VWDE: variants seen among roughly 807,000 people sequenced by gnomAD.
VWDE encodes the protein von Willebrand factor D and EGF domain-containing protein.
In VWDE, 207 loss-of-function variants were observed where a neutral mutation model predicts 178.4. The ratio of observed to expected loss-of-function variants is 1.16; its 90% CI spans 1.04 to 1.30. The LOEUF is 1.30. VWDE is among the 50% of genes most tolerant of loss of function. VWDE has a pLI of 0.00. For missense variants in VWDE, 2,287 were observed against 1,901.3 expected (o/e 1.20, Z -3.77); for synonymous variants, 738 against 651.4 (o/e 1.13, Z -2.02).
chr7:12,350,660 T>C (rs931352239), intron 19 of VWDE, among the ~76,000 whole-genome samples: 13 of 151,140 alleles, frequency 8.6e-5, no homozygotes, highest in African/African-American at 3.1e-4. Context: ...TCTCTTCAGT[T>C]AGATTGCTCA....
chr7:12,374,796 C>G, intron 8 of VWDE, 34 bp from the exon 9 acceptor site: 2 of 1,350,806 alleles, frequency 1.5e-6, no homozygotes, highest in Admixed American at 2.4e-5. Flanking sequence ...TAAATATTAC[C>G]ATTAATTATA....
At chr7:12,393,905 C>T (rs977029560) in intron 1 of VWDE, 127 bp from the exon 2 acceptor site, 1 of 685,548 alleles carries the variant, frequency 1.5e-6, no homozygotes, top group Non-Finnish European at 2.2e-6. Flanking sequence ...CATAAAGACC[C>T]TCTGAAATGT....
rs948746705 is a variant in VWDE at position 12,403,768 on chromosome 7, G to A, written c.-52C>T. 1.3e-6 allele frequency: 2 copies of A among 1,541,054 alleles called. No individual in the cohort carries two copies. Among genetic ancestry groups the A allele is most frequent in the African/African-American group, 1.4e-5 (1 of 72,962 alleles). ...GCGTCGCAGAGCCCGGGCCGCGGGTGCCAGGAGGATGGGGCCACAGCAGCC... is the reference window on the plus strand; with the variant it reads ...GCGTCGCAGAGCCCGGGCCGCGGGTACCAGGAGGATGGGGCCACAGCAGCC... On this transcript the variant is annotated 5_prime_UTR_variant, in exon 1 of 29. Transcript: ENST00000275358.
At position 12,342,063 on chromosome 7, in the gene VWDE, A is replaced by G. The variant is rs938360366; in HGVS notation, c.4266T>C (p.Ser1422=). The G allele has an allele frequency of 1.9e-6, 3 of 1,550,616 alleles. No individual in the cohort carries two copies. The highest frequency in any genetic ancestry group is 2.7e-5 in the African/African-American group (2 of 72,990). ...TGAAAATATTTCCAATTTTACCTGTACTACAGGTGGGTCCATACCAGCCAG... is the reference window on the plus strand; with the variant it reads ...TGAAAATATTTCCAATTTTACCTGTGCTACAGGTGGGTCCATACCAGCCAG... ...CKPGWYGPTC[S]TALCDPVCLN... The change falls in exon 23 of 29, where the codon AGT becomes AGC. Residue 1422 remains serine, a synonymous_variant. Transcript: ENST00000275358.
At chr7:12,399,487 A>C (rs1194321853) in intron 1 of VWDE, among the ~76,000 whole-genome samples, 1 of 152,204 alleles carries the variant, frequency 6.6e-6, no homozygotes, top group Non-Finnish European at 1.5e-5. Context: ...AATATTTGGA[A>C]TCTTTAATAT....
intron 20 of VWDE, 37 bp from the exon 21 acceptor site, chr7:12,344,327 T>C: frequency 1.3e-6 from 2 of 1,550,174 alleles, no homozygotes; most frequent in Non-Finnish European, 1.7e-6. Flanking sequence ...GACATATCAA[T>C]TACCAAATAC....
chr7:12,346,502 A>C (rs554296175), intron 19 of VWDE, among the ~76,000 whole-genome samples: 1 of 152,190 alleles, frequency 6.6e-6, no homozygotes, highest in Admixed American at 6.5e-5. Flanking sequence ...TTTATATGAG[A>C]GGCAAAGAAC....
At chr7:12,377,457 C>G (rs1043354497) in intron 7 of VWDE, 43 of 172,556 alleles carry the variant, frequency 2.5e-4, no homozygotes, top group African/African-American at 7.9e-4. Flanking sequence ...ACTAAGCAAA[C>G]AGAGGAATAA....
intron 27 of VWDE, 21 bp downstream of exon 27, chr7:12,336,120 A>T: frequency 6.5e-7 from 1 of 1,541,984 alleles, no homozygotes; most frequent in Non-Finnish European, 8.8e-7. Context: ...ATATAGTAGG[A>T]AAAACATCCT....
chr7:12,356,545 TATA>T (rs1314410711), intron 17 of VWDE, among the ~76,000 whole-genome samples: 2 of 151,994 alleles, frequency 1.3e-5, no homozygotes, highest in African/African-American at 2.4e-5. Context: ...ATAACCACAA[TATA>T]ATACTAAGGA....
At chr7:12,390,229 T>C (rs1054076822) in intron 2 of VWDE, among the ~76,000 whole-genome samples, 29 of 151,438 alleles carry the variant, frequency 1.9e-4, no homozygotes, top group African/African-American at 6.8e-4. Flanking sequence ...AAAATCCTTT[T>C]CAGATAAAAA....
At chr7:12,372,096 A>T (rs551147102) in intron 10 of VWDE, among the ~76,000 whole-genome samples, 1 of 152,008 alleles carries the variant, frequency 6.6e-6, no homozygotes, top group Non-Finnish European at 1.5e-5. Flanking sequence ...TATCTATTTG[A>T]CTGCTAACGA....
intron 22 of VWDE, among the ~76,000 whole-genome samples, chr7:12,342,575 G>A (rs76934273): frequency 0.017 from 2,579 of 151,778 alleles, 70 homozygotes; most frequent in African/African-American, 0.06. Flanking sequence ...TATGCAAGAT[G>A]GTAACTGTTG....
intron 1 of VWDE, among the ~76,000 whole-genome samples, chr7:12,399,911 CAAT>C (rs1404291359): frequency 4.0e-5 from 6 of 151,800 alleles, no homozygotes; most frequent in Non-Finnish European, 7.4e-5. Context: ...AATTAGAACT[CAAT>C]AACAATGAAA....
chr7:12,384,929 T>C (rs1333927368), intron 3 of VWDE, among the ~76,000 whole-genome samples: 4 of 152,162 alleles, frequency 2.6e-5, no homozygotes, highest in African/African-American at 9.7e-5. Context: ...ATAGGCTACA[T>C]AGGCTAACTT....
intron 1 of VWDE, 78 bp from the exon 2 acceptor site, chr7:12,393,856 C>T: frequency 1.6e-6 from 2 of 1,260,668 alleles, no homozygotes; most frequent in Non-Finnish European, 2.1e-6. Context: ...AAAATTGATT[C>T]CCAAAACAAA....
At chr7:12,355,980 G>C in intron 18 of VWDE, 131 bp downstream of exon 18, 1 of 762,784 alleles carries the variant, frequency 1.3e-6, no homozygotes, top group Non-Finnish European at 2.1e-6. Flanking sequence ...AATTATATTT[G>C]TAATAACTTT....
intron 15 of VWDE, among the ~76,000 whole-genome samples, chr7:12,359,906 C>T (rs1782479874): frequency 6.6e-6 from 1 of 152,080 alleles, no homozygotes; most frequent in Non-Finnish European, 1.5e-5. Flanking sequence ...TAAAAGTACA[C>T]ATAAGTTTTA....
chr7:12,397,117 A>G (rs1172377795), intron 1 of VWDE, among the ~76,000 whole-genome samples: 1 of 152,226 alleles, frequency 6.6e-6, no homozygotes, highest in Non-Finnish European at 1.5e-5. Flanking sequence ...AGCAAAAGCA[A>G]TCTTAGGCAA....
Sources: gnomAD v4.1 joint callset for allele counts (sites outside exome capture counted in the v4.1 genomes callset) on GRCh38, gnomAD v4.1.1 for gene constraint, MANE v1.5 for transcripts, NCBI Gene and HGNC (gene_info 2026-07-23, HGNC 2026-07-21) for gene names.